The following SLC14A2 variants were observed in gnomAD, a reference collection of about 807,000 sequenced individuals.
The protein encoded by SLC14A2 is solute carrier family 14 member 2, also known as urea transporter 2.
SLC14A2 carries 91 observed loss-of-function variants against 104.6 expected under a neutral mutation model. The ratio of observed to expected loss-of-function variants is 0.87; its 90% CI spans 0.73 to 1.04. SLC14A2 has a LOEUF of 1.04. SLC14A2 is among the 50% of genes least tolerant of loss of function. The pLI, the probability that SLC14A2 is intolerant of heterozygous loss-of-function variation, is 0.00. For synonymous variants in SLC14A2, 476 were observed against 466.4 expected (o/e 1.02, Z -0.27); for missense variants, 1,189 against 1,156.0 (o/e 1.03, Z -0.41).
chr18:45,182,808 A>G, the SLC14A2 span, among the ~76,000 whole-genome samples: 3 of 152,198 alleles, frequency 2.0e-5, no homozygotes, highest in Non-Finnish European at 2.9e-5. Context: ...AATATGCTAC[A>G]TTTGTACATA....
At chr18:45,185,855 A>G in the SLC14A2 span, among the ~76,000 whole-genome samples, 9 of 152,198 alleles carry the variant, frequency 5.9e-5, no homozygotes, top group African/African-American at 2.2e-4. Flanking sequence ...AACAATCATA[A>G]ACTAAATTTT....
At chr18:45,427,591 T>A (rs1260407931) in intron 1 of SLC14A2, among the ~76,000 whole-genome samples, 1 of 152,150 alleles carries the variant, frequency 6.6e-6, no homozygotes, top group Non-Finnish European at 1.5e-5. Flanking sequence ...TCCCACCCCA[T>A]TCACTGATCA....
intron 1 of SLC14A2, among the ~76,000 whole-genome samples, chr18:45,378,042 G>A (rs529671376): frequency 3.3e-5 from 5 of 152,186 alleles, no homozygotes; most frequent in Non-Finnish European, 7.4e-5. Flanking sequence ...CTGTGAAATC[G>A]CATTTCCTTC....
intron 1 of SLC14A2, among the ~76,000 whole-genome samples, chr18:45,425,418 C>T (rs1217897516): frequency 6.6e-6 from 1 of 152,182 alleles, no homozygotes; most frequent in Non-Finnish European, 1.5e-5. Context: ...AGTGCTGTCT[C>T]CTCTCCATCT....
intron 1 of SLC14A2, among the ~76,000 whole-genome samples, chr18:45,367,462 A>G (rs2085677627): frequency 6.6e-6 from 1 of 152,226 alleles, no homozygotes; most frequent in African/African-American, 2.4e-5. Context: ...GTGCATGTAA[A>G]GAATCTCATC....
Position 45,525,213 on chromosome 18 carries a change from C to G in SLC14A2, c.-35+41891C>G, listed in dbSNP as rs192450668. On this transcript the variant is annotated intron_variant, in intron 2 of 20. Transcript: ENST00000586448. ...TATAAAAATTTTCTCTCTGACCTAC[C>G]TGGGGTATTTTCTTTAATGTGGCTG... is the stretch of plus-strand genomic sequence containing the variant. 3.9e-5 allele frequency among the ~76,000 whole-genome samples: 6 copies of G among 152,060 alleles called. No individual in the cohort carries two copies. In the East Asian group the frequency reaches 1.2e-3, roughly 29 times the overall value.
intron 2 of SLC14A2, among the ~76,000 whole-genome samples, chr18:45,502,872 A>C (rs1360185413): frequency 6.6e-6 from 1 of 151,890 alleles, no homozygotes; most frequent in East Asian, 1.9e-4. Flanking sequence ...TCCAAACCAC[A>C]AGATTCTGAT....
chr18:45,663,784 G>A lies in SLC14A2; in HGVS notation c.1352-1G>A. The stretch of plus-strand genomic sequence containing the variant: ...ACCTGTCTTGTTTTGCCCCTGGCTA[G>A]GAGGCGGTGGGGAGCATCCACCCAC... On this transcript the variant is annotated splice_acceptor_variant, in intron 10 of 19. Coordinates refer to ENST00000255226, the MANE Select transcript of SLC14A2 (RefSeq NM_007163.4). LOFTEE classifies it high-confidence loss of function. 6.2e-7 allele frequency: 1 copy of A among 1,612,074 alleles called. No homozygotes were observed. The highest frequency in any genetic ancestry group is 8.5e-7 in the Non-Finnish European group (1 of 1,179,640).
intron 1 of SLC14A2, among the ~76,000 whole-genome samples, chr18:45,231,466 T>C (rs1599593647): frequency 6.6e-6 from 1 of 152,156 alleles, no homozygotes; most frequent in African/African-American, 2.4e-5. Context: ...GCCTCCCAAA[T>C]GGGAAGTACT....
At chr18:45,437,439 T>C (rs1487663845) in intron 1 of SLC14A2, among the ~76,000 whole-genome samples, 2 of 152,078 alleles carry the variant, frequency 1.3e-5, no homozygotes, top group Non-Finnish European at 2.9e-5. Context: ...GATGAGCCTC[T>C]CTCCTGGAGC....
chr18:45,226,046 G>A (rs2084112740), intron 1 of SLC14A2, among the ~76,000 whole-genome samples: 3 of 152,152 alleles, frequency 2.0e-5, no homozygotes, highest in Admixed American at 2.0e-4. Context: ...AGACATTTAT[G>A]CAGCCAAAAG....
At chr18:45,177,385 GA>G in the SLC14A2 span, among the ~76,000 whole-genome samples, 1 of 152,168 alleles carries the variant, frequency 6.6e-6, no homozygotes. Context: ...ATTGGTTTTA[GA>G]ATGAAGATCA....
Position 45,389,941 on chromosome 18 carries a change from A to T in SLC14A2, c.-124-93292A>T, listed in dbSNP as rs1282679468. On this transcript the variant is annotated intron_variant, in intron 1 of 20. Coordinates refer to the SLC14A2 transcript ENST00000586448. Reference sequence around the variant, plus strand: ...AAAAGTCCCATTGGGATATCTCTGTACCTTCCTCCTTCCTCTCAATTTTGC... The same window carrying T: ...AAAAGTCCCATTGGGATATCTCTGTTCCTTCCTCCTTCCTCTCAATTTTGC... 3.3e-5 allele frequency among the ~76,000 whole-genome samples: 5 copies of T among 152,234 alleles called. No individual in the cohort carries two copies. In the East Asian group the frequency reaches 9.6e-4, roughly 29 times the overall value.
intron 1 of SLC14A2, among the ~76,000 whole-genome samples, chr18:45,224,309 T>C (rs2084092627): frequency 1.3e-5 from 2 of 152,164 alleles, no homozygotes; most frequent in Non-Finnish European, 2.9e-5. Context: ...AGTCCTCCCT[T>C]TAAGAAACTG....
At chr18:45,308,086 C>T (rs569980811) in intron 1 of SLC14A2, among the ~76,000 whole-genome samples, 1 of 152,134 alleles carries the variant, frequency 6.6e-6, no homozygotes, top group Non-Finnish European at 1.5e-5. Flanking sequence ...TCACTCATTA[C>T]CACGAGGAGG....
chr18:45,484,287 C>T (rs78305947), intron 2 of SLC14A2, among the ~76,000 whole-genome samples: 2,534 of 152,234 alleles, frequency 0.017, 26 homozygotes, highest in South Asian at 0.025. Context: ...TCATTCATAC[C>T]TCACTGGTGA....
intron 5 of SLC14A2, chr18:45,635,013 G>A: frequency 3.1e-6 from 1 of 326,460 alleles, no homozygotes. Flanking sequence ...CTTGTTGGGA[G>A]GTTGTGGAAA....
intron 1 of SLC14A2, among the ~76,000 whole-genome samples, chr18:45,230,403 T>G (rs2144019239): frequency 6.6e-6 from 1 of 152,296 alleles, no homozygotes; most frequent in Non-Finnish European, 1.5e-5. Context: ...CCACCTGCAT[T>G]TCTCGGCCTG....
intron 7 of SLC14A2, among the ~76,000 whole-genome samples, chr18:45,640,366 A>G (rs8091629): frequency 0.13 from 20,102 of 152,110 alleles, 1,526 homozygotes; most frequent in East Asian, 0.34. Flanking sequence ...GATGCTGGAG[A>G]GACACAGGGG....
Sources: gnomAD v4.1 joint callset for allele counts (sites outside exome capture counted in the v4.1 genomes callset) on GRCh38, gnomAD v4.1.1 for gene constraint, MANE v1.5 for transcripts, NCBI Gene and HGNC (gene_info 2026-07-23, HGNC 2026-07-21) for gene names.